HS6ST3: variants seen among roughly 807,000 people sequenced by gnomAD.
HS6ST3 encodes heparan-sulfate 6-O-sulfotransferase 3.
A neutral mutation model predicts 36.7 loss-of-function variants in HS6ST3; 12 were observed. The observed-to-expected ratio is 0.33, with a 90% CI of 0.21 to 0.53. The LOEUF (loss-of-function observed/expected upper bound fraction) is 0.53. Ranked by LOEUF, HS6ST3 falls within the 20% of genes least tolerant of loss-of-function variation. The pLI is 0.95. For missense variants in HS6ST3, 584 were observed against 640.9 expected, an observed-to-expected ratio of 0.91 and a Z score of 0.96; for synonymous variants, 240 against 257.5, an observed-to-expected ratio of 0.93 and a Z score of 0.65.
chr13:96,541,598 GC>G (rs1275925344), intron 1 of HS6ST3, among the ~76,000 whole-genome samples: 1 of 152,146 alleles, frequency 6.6e-6, no homozygotes, highest in African/African-American at 2.4e-5. Context: ...GTGCCTGGGA[GC>G]TATGATTACA....
At chr13:96,325,185 A>G (rs186690174) in intron 1 of HS6ST3, among the ~76,000 whole-genome samples, 96 of 152,328 alleles carry the variant, frequency 6.3e-4, no homozygotes, top group Non-Finnish European at 1.1e-3. Context: ...ATGAAAGATC[A>G]TATTGTATTA....
chr13:96,254,069 T>C (rs537338536), intron 1 of HS6ST3, among the ~76,000 whole-genome samples: 168 of 152,290 alleles, frequency 1.1e-3, no homozygotes, highest in African/African-American at 3.7e-3. Context: ...ATTTTCTGAA[T>C]GTGTATAGGT....
chr13:96,672,348 A>T (rs2056685361), intron 1 of HS6ST3, among the ~76,000 whole-genome samples: 1 of 152,080 alleles, frequency 6.6e-6, no homozygotes, highest in Admixed American at 6.6e-5. Context: ...ACTTTGCTTA[A>T]TTTTTGTGCC....
At chr13:96,500,082 C>G (rs1376993526) in intron 1 of HS6ST3, among the ~76,000 whole-genome samples, 1 of 152,122 alleles carries the variant, frequency 6.6e-6, no homozygotes, top group Non-Finnish European at 1.5e-5. Flanking sequence ...TGATCAGTCT[C>G]CACTCTTCTC....
At chr13:96,378,851 C>T (rs1275563222) in intron 1 of HS6ST3, among the ~76,000 whole-genome samples, 1 of 152,174 alleles carries the variant, frequency 6.6e-6, no homozygotes, top group Non-Finnish European at 1.5e-5. Flanking sequence ...GGCAGTATCC[C>T]TGCTGGGTTT....
rs1376282477 is a variant in HS6ST3 at position 96,090,235 on chromosome 13, C to CCCGCTG, written c.-620_-615dup. 6.6e-6 allele frequency among the ~76,000 whole-genome samples: 1 copy of CCCGCTG among 151,504 alleles called. No homozygotes were observed. Among genetic ancestry groups the CCCGCTG allele is most frequent in the Non-Finnish European group, 1.5e-5 (1 of 67,638 alleles). On this transcript the variant is annotated 5_prime_UTR_variant, in exon 1 of 2. Transcript: ENST00000376705. The stretch of plus-strand genomic sequence containing the variant: ...GAGGCGTCTCCGCAGAGGCGCCTCG[C>CCCGCTG]CCGCTGCCGCTGCGCTGCGGGGGCC...
chr13:96,407,052 T>TA (rs2055482219), intron 1 of HS6ST3, among the ~76,000 whole-genome samples: 1 of 152,230 alleles, frequency 6.6e-6, no homozygotes, highest in Non-Finnish European at 1.5e-5. Flanking sequence ...CAGTGATTTA[T>TA]AAAAAGTTAT....
intron 1 of HS6ST3, among the ~76,000 whole-genome samples, chr13:96,786,142 C>T (rs975474502): frequency 1.3e-5 from 2 of 152,116 alleles, no homozygotes; most frequent in African/African-American, 4.8e-5. Flanking sequence ...TGGACCCTTT[C>T]TTACTCCGTT....
chr13:96,350,858 C>A (rs1382886493), intron 1 of HS6ST3, among the ~76,000 whole-genome samples: 1 of 152,134 alleles, frequency 6.6e-6, no homozygotes, highest in South Asian at 2.1e-4. Flanking sequence ...CTTATTTTCC[C>A]AGGTCTCAAA....
intron 1 of HS6ST3, among the ~76,000 whole-genome samples, chr13:96,804,843 A>T (rs1878159092): frequency 6.6e-6 from 1 of 152,206 alleles, no homozygotes. Context: ...AGAACACAGG[A>T]ATTGTTCCTG....
At chr13:96,229,780 G>A (rs1023178956) in intron 1 of HS6ST3, among the ~76,000 whole-genome samples, 2 of 151,548 alleles carry the variant, frequency 1.3e-5, no homozygotes, top group Admixed American at 1.3e-4. Flanking sequence ...CTCAGGGGGA[G>A]ACCCCCCCCT....
chr13:96,421,677 A>G (rs557110774), intron 1 of HS6ST3, among the ~76,000 whole-genome samples: 3 of 152,230 alleles, frequency 2.0e-5, no homozygotes, highest in African/African-American at 7.2e-5. Flanking sequence ...CTTAGTAATC[A>G]CTAGTAAAGG....
chr13:96,681,879 A>C (rs773538719), intron 1 of HS6ST3, among the ~76,000 whole-genome samples: 4 of 151,996 alleles, frequency 2.6e-5, no homozygotes, highest in Non-Finnish European at 5.9e-5. Context: ...TCTTTTTCAC[A>C]CCATCTGTGT....
intron 1 of HS6ST3, among the ~76,000 whole-genome samples, chr13:96,276,618 G>T (rs920915860): frequency 3.9e-5 from 6 of 152,172 alleles, no homozygotes; most frequent in African/African-American, 1.4e-4. Flanking sequence ...TTGCTATACA[G>T]GTTAACTATT....
At chr13:96,738,033 A>C (rs1226565258) in intron 1 of HS6ST3, among the ~76,000 whole-genome samples, 1 of 152,302 alleles carries the variant, frequency 6.6e-6, no homozygotes, top group Admixed American at 6.5e-5. Flanking sequence ...TTATTCACAA[A>C]GTCCTTTTGG....
chr13:96,165,845 T>G (rs1352750989), intron 1 of HS6ST3, among the ~76,000 whole-genome samples: 1 of 152,012 alleles, frequency 6.6e-6, no homozygotes, highest in Non-Finnish European at 1.5e-5. Context: ...TGGTGAATAT[T>G]GAAAGAACTA....
At chr13:96,419,253 G>T (rs141117603) in intron 1 of HS6ST3, among the ~76,000 whole-genome samples, 1 of 152,172 alleles carries the variant, frequency 6.6e-6, no homozygotes, top group Non-Finnish European at 1.5e-5. Flanking sequence ...TTCCTTTTCC[G>T]TTTTAATGTG....
chr13:96,300,304 G>T (rs950755309), intron 1 of HS6ST3, among the ~76,000 whole-genome samples: 6 of 151,698 alleles, frequency 4.0e-5, no homozygotes, highest in Non-Finnish European at 7.4e-5. Flanking sequence ...TGATCCACCC[G>T]TCTCGGCCTC....
chr13:96,262,613 G>A (rs1475266551), intron 1 of HS6ST3, among the ~76,000 whole-genome samples: 2 of 152,104 alleles, frequency 1.3e-5, no homozygotes, highest in Admixed American at 6.6e-5. Context: ...TTTTGTGTCC[G>A]TCTACCCATT....
Sources: gnomAD v4.1 joint callset for allele counts (sites outside exome capture counted in the v4.1 genomes callset) on GRCh38, gnomAD v4.1.1 for gene constraint, MANE v1.5 for transcripts, NCBI Gene and HGNC (gene_info 2026-07-23, HGNC 2026-07-21) for gene names.